Variants in DACH2 observed in about 807,000 individuals in gnomAD.
The protein encoded by DACH2 is dachshund family transcription factor 2, also known as dachshund homolog 2.
DACH2 carries 17 observed loss-of-function variants against 35.8 expected under a neutral mutation model. The observed-to-expected ratio is 0.48, with a 90% CI of 0.33 to 0.71. DACH2 has a LOEUF of 0.71. DACH2 is among the 30% of genes least tolerant of loss of function. The pLI, the probability that DACH2 is intolerant of heterozygous loss-of-function variation, is 0.02. For missense variants in DACH2, 469 were observed against 472.7 expected, an observed-to-expected ratio of 0.99 and a Z score of 0.07; for synonymous variants, 195 against 177.3, an observed-to-expected ratio of 1.10 and a Z score of -0.79.
intron 3 of DACH2, among the ~76,000 whole-genome samples, chrX:86,590,007 T>C (rs2039622591): frequency 9.0e-6 from 1 of 111,619 alleles, no homozygotes; most frequent in Admixed American, 9.6e-5. Flanking sequence ...GAAACACAGA[T>C]AATAAATAAC....
chrX:86,391,919 A>G (rs1355254937), intron 2 of DACH2, among the ~76,000 whole-genome samples: 2 of 111,598 alleles, frequency 1.8e-5, no homozygotes, highest in Non-Finnish European at 3.8e-5. Flanking sequence ...ACAATGGAAC[A>G]TGATTTTTTT....
At chrX:86,822,736 GT>G (rs2042525700) in intron 11 of DACH2, among the ~76,000 whole-genome samples, 1 of 111,312 alleles carries the variant, frequency 9.0e-6, no homozygotes, top group South Asian at 3.7e-4. Flanking sequence ...CTAAAACCGG[GT>G]GTAATTTAAT....
In DACH2 at chrX:86,580,407, A is replaced by G. The variant is rs372625745; in HGVS notation, c.640+66016A>G. Among the ~76,000 whole-genome samples, 28 of 111,701 alleles carry G rather than the reference A, an allele frequency of 2.5e-4. No homozygotes were observed. In the East Asian group the frequency reaches 2.8e-3, roughly 11 times the overall value. The stretch of plus-strand genomic sequence containing the variant: ...TGCTGAAATGGTGTAAATGACAGAA[A>G]TAGAATTCAGAATATGGACACAAAT... On this transcript the variant is annotated intron_variant, in intron 3 of 11. Transcript: ENST00000373125.
intron 2 of DACH2, among the ~76,000 whole-genome samples, chrX:86,503,245 A>G (rs1425063169): frequency 5.4e-5 from 6 of 111,827 alleles, no homozygotes; most frequent in Non-Finnish European, 1.1e-4. Context: ...TACACAGTGG[A>G]CACATTTACT....
intron 3 of DACH2, among the ~76,000 whole-genome samples, chrX:86,571,476 T>C (rs919048503): frequency 4.6e-5 from 5 of 108,090 alleles, no homozygotes; most frequent in Non-Finnish European, 9.6e-5. Flanking sequence ...GTCCCCGGTG[T>C]GTGATGTTCC....
chrX:86,734,083 C>A (rs1202672552), intron 6 of DACH2, among the ~76,000 whole-genome samples: 2 of 110,743 alleles, frequency 1.8e-5, no homozygotes, highest in Non-Finnish European at 3.8e-5. Context: ...TCCCACTGAA[C>A]TATTCATTCT....
intron 6 of DACH2, among the ~76,000 whole-genome samples, chrX:86,726,826 G>T (rs745454848): frequency 8.9e-6 from 1 of 111,818 alleles, no homozygotes; most frequent in South Asian, 3.8e-4. Flanking sequence ...TTTTCCCCAT[G>T]TCCAGGAGCT....
intron 1 of DACH2, chrX:86,160,415 A>T: frequency 1.8e-6 from 1 of 555,329 alleles, no homozygotes; most frequent in Non-Finnish European, 3.2e-6. Flanking sequence ...AACCATATCA[A>T]TGATGGCAGC....
intron 2 of DACH2, among the ~76,000 whole-genome samples, chrX:86,421,065 C>G (rs1253037745): frequency 9.0e-6 from 1 of 111,618 alleles, no homozygotes; most frequent in African/African-American, 3.2e-5. Context: ...CAAGACTTTT[C>G]TCCCCATTTG....
chrX:86,488,029 T>C (rs2038043547), intron 2 of DACH2, among the ~76,000 whole-genome samples: 1 of 111,543 alleles, frequency 9.0e-6, no homozygotes, highest in African/African-American at 3.3e-5. Context: ...ATTATACTTA[T>C]TGTATCTATA....
intron 2 of DACH2, among the ~76,000 whole-genome samples, chrX:86,495,536 A>C (rs891667111): frequency 1.2e-4 from 13 of 111,071 alleles, no homozygotes; most frequent in African/African-American, 4.3e-4. Context: ...GTGGCCTGGC[A>C]TGGTGGCTCA....
chrX:86,222,929 G>T (rs1203911639), intron 1 of DACH2, among the ~76,000 whole-genome samples: 2 of 110,856 alleles, frequency 1.8e-5, no homozygotes, highest in Non-Finnish European at 3.8e-5. Context: ...AACAGAGGAA[G>T]AATATACTTC....
At chrX:86,643,503 T>A (rs1376146201) in intron 3 of DACH2, among the ~76,000 whole-genome samples, 1 of 110,832 alleles carries the variant, frequency 9.0e-6, no homozygotes, top group Non-Finnish European at 1.9e-5. Context: ...CAGGACCTGA[T>A]GGAATCACAG....
intron 7 of DACH2, among the ~76,000 whole-genome samples, chrX:86,794,747 T>C (rs1195305962): frequency 8.9e-6 from 1 of 111,945 alleles, no homozygotes; most frequent in Non-Finnish European, 1.9e-5. Flanking sequence ...TGGAAACTTG[T>C]AGCAGTGGCA....
intron 1 of DACH2, among the ~76,000 whole-genome samples, chrX:86,332,736 AT>A (rs765245080): frequency 3.6e-4 from 40 of 111,897 alleles, no homozygotes; most frequent in Admixed American, 2.6e-3. Context: ...TAAATTCTGA[AT>A]ATTTCTTTGT....
intron 2 of DACH2, among the ~76,000 whole-genome samples, chrX:86,433,508 T>C (rs1395265127): frequency 8.9e-6 from 1 of 112,225 alleles, no homozygotes; most frequent in Non-Finnish European, 1.9e-5. Context: ...CTTTTCTTCC[T>C]TCTTTTTTTC....
At chrX:86,151,881 G>C (rs938309969) in intron 1 of DACH2, among the ~76,000 whole-genome samples, 6 of 110,826 alleles carry the variant, frequency 5.4e-5, no homozygotes, top group African/African-American at 1.6e-4. Context: ...GCCAGTGAGA[G>C]AGTAGAAATG....
chrX:86,188,790 A>G (rs1464456028), intron 1 of DACH2, among the ~76,000 whole-genome samples: 1 of 112,181 alleles, frequency 8.9e-6, no homozygotes, highest in Non-Finnish European at 1.9e-5. Context: ...GAAAGGAACC[A>G]TCCTTGTTGA....
At chrX:86,427,841 T>G (rs985775323) in intron 2 of DACH2, among the ~76,000 whole-genome samples, 3 of 112,155 alleles carry the variant, frequency 2.7e-5, no homozygotes, top group African/African-American at 9.7e-5. Flanking sequence ...GAAATGTTTA[T>G]GTTTACATTT....
Sources: gnomAD v4.1 joint callset for allele counts (sites outside exome capture counted in the v4.1 genomes callset) on GRCh38, gnomAD v4.1.1 for gene constraint, MANE v1.5 for transcripts, NCBI Gene and HGNC (gene_info 2026-07-23, HGNC 2026-07-21) for gene names.